The following ADORA2B variants were observed in gnomAD, a reference collection of about 807,000 sequenced individuals.
The protein encoded by ADORA2B is adenosine receptor A2b.
A neutral mutation model predicts 20.8 loss-of-function variants in ADORA2B; 18 were observed. The ratio of observed to expected loss-of-function variants is 0.87; its 90% CI spans 0.60 to 1.29. ADORA2B has a LOEUF of 1.29. Among genes scored for constraint, ADORA2B ranks in the 50% most tolerant of loss-of-function variants. The pLI is 0.00. For synonymous variants in ADORA2B, 179 were observed against 178.3 expected (o/e 1.00, Z -0.03); for missense variants, 441 against 422.7 (o/e 1.04, Z -0.38).
the ADORA2B span, among the ~76,000 whole-genome samples, chr17:15,903,404 A>G: frequency 6.6e-6 from 1 of 152,368 alleles, no homozygotes; most frequent in South Asian, 2.1e-4. Context: ...TTGTCTAGAT[A>G]CAGTGGGAAC....
chr17:15,934,460 G>C, the ADORA2B span, among the ~76,000 whole-genome samples: 1 of 151,960 alleles, frequency 6.6e-6, no homozygotes, highest in Non-Finnish European at 1.5e-5. Flanking sequence ...TCCTGACCTT[G>C]TGATCTGCCC....
At chr17:15,905,392 G>A in the ADORA2B span, among the ~76,000 whole-genome samples, 1 of 151,842 alleles carries the variant, frequency 6.6e-6, no homozygotes, top group Non-Finnish European at 1.5e-5. Flanking sequence ...TGTTTGTTTT[G>A]TTCTTTTGAA....
the ADORA2B span, among the ~76,000 whole-genome samples, chr17:15,931,080 G>C: frequency 6.6e-6 from 1 of 152,184 alleles, no homozygotes; most frequent in South Asian, 2.1e-4. Context: ...GTTTTGGGAG[G>C]CTGAGACAGG....
the ADORA2B span, among the ~76,000 whole-genome samples, chr17:15,869,871 C>G: frequency 6.6e-6 from 1 of 152,176 alleles, no homozygotes; most frequent in African/African-American, 2.4e-5. Flanking sequence ...TGTGTTATAA[C>G]TCAGAATTTT....
chr17:15,907,906 G>A, the ADORA2B span, among the ~76,000 whole-genome samples: 16 of 152,330 alleles, frequency 1.1e-4, no homozygotes, highest in East Asian at 2.1e-3. Context: ...CCTGGTCAGT[G>A]CACATCCACT....
the ADORA2B span, among the ~76,000 whole-genome samples, chr17:15,938,636 G>T: frequency 3.3e-5 from 5 of 152,132 alleles, no homozygotes; most frequent in Admixed American, 2.0e-4. Context: ...TTCCCAGTAG[G>T]AGCAATATTG....
the ADORA2B span, among the ~76,000 whole-genome samples, chr17:15,916,089 TG>T: frequency 2.0e-5 from 3 of 151,764 alleles, no homozygotes; most frequent in East Asian, 1.9e-4. Context: ...TCAGCTGGGG[TG>T]GGGGGGTCAC....
chr17:15,895,640 A>G, the ADORA2B span, among the ~76,000 whole-genome samples: 4 of 152,224 alleles, frequency 2.6e-5, no homozygotes, highest in Non-Finnish European at 5.9e-5. Flanking sequence ...AGTCCCTGAA[A>G]TACGGCTAGT....
chr17:15,905,043 C>T, the ADORA2B span, among the ~76,000 whole-genome samples: 1 of 152,010 alleles, frequency 6.6e-6, no homozygotes, highest in East Asian at 1.9e-4. Context: ...TAATTTTAGA[C>T]TCTGTCATTA....
chr17:15,967,107 G>A (rs1970130062), intron 1 of ADORA2B, among the ~76,000 whole-genome samples: 1 of 152,216 alleles, frequency 6.6e-6, no homozygotes, highest in Non-Finnish European at 1.5e-5. Context: ...AGAGGACAGA[G>A]GCCCAGCAGG....
the ADORA2B span, among the ~76,000 whole-genome samples, chr17:15,926,383 A>C: frequency 2.6e-5 from 4 of 151,922 alleles, no homozygotes; most frequent in African/African-American, 4.8e-5. Context: ...AGCCAGAGAG[A>C]GGGGTGCTAT....
In ADORA2B at chr17:15,975,385, G is replaced by T; in HGVS notation, c.*43G>T. The T allele has an allele frequency of 1.9e-6, 3 of 1,570,180 alleles. No homozygotes were observed. Among genetic ancestry groups the T allele is most frequent in the Admixed American group, 1.8e-5 (1 of 55,506 alleles). ...TCCAGGAGAAGATACAAATCCACAA[G>T]AAACAAAGAGGACACGGCTGGTTTT... On this transcript the variant is annotated 3_prime_UTR_variant, in exon 2 of 2. Coordinates refer to ENST00000304222, the MANE Select transcript of ADORA2B (RefSeq NM_000676.4).
the ADORA2B span, among the ~76,000 whole-genome samples, chr17:15,895,532 G>C: frequency 6.6e-6 from 1 of 152,110 alleles, no homozygotes; most frequent in Non-Finnish European, 1.5e-5. Flanking sequence ...TCTGGGGGTC[G>C]TCCATGATCC....
chr17:15,971,905 T>A (rs1166985364), intron 1 of ADORA2B, among the ~76,000 whole-genome samples: 1 of 152,138 alleles, frequency 6.6e-6, no homozygotes, highest in Non-Finnish European at 1.5e-5. Context: ...AGTACTGGGA[T>A]TATAGGCATG....
At chr17:15,926,922 G>A in the ADORA2B span, among the ~76,000 whole-genome samples, 31 of 152,138 alleles carry the variant, frequency 2.0e-4, no homozygotes, top group African/African-American at 7.5e-4. Context: ...AGTGAGCCAT[G>A]ATTGCATCTC....
the ADORA2B span, among the ~76,000 whole-genome samples, chr17:15,854,063 G>A: frequency 6.6e-6 from 1 of 152,174 alleles, no homozygotes; most frequent in African/African-American, 2.4e-5. Context: ...TCAAGTGATT[G>A]TCCTGCCTCA....
the ADORA2B span, among the ~76,000 whole-genome samples, chr17:15,920,059 A>G: frequency 3.9e-5 from 6 of 152,302 alleles, no homozygotes; most frequent in South Asian, 1.2e-3. Flanking sequence ...GCTGTGTACT[A>G]CAGTAATTTT....
rs146550240 is a variant in ADORA2B, at chr17:15,973,820, C to T, written c.336-859C>T. 7.4e-4 allele frequency: 113 copies of T among 152,248 alleles called. 2 individuals are homozygous for T. Among genetic ancestry groups the T allele is most frequent in the African/African-American group, 2.6e-3 (109 of 41,520 alleles). 9.4% of individuals were successfully genotyped at this position (152,248 alleles called of 1,614,324 possible). On this transcript the variant is annotated intron_variant, in intron 1 of 1. Coordinates refer to ENST00000304222, the MANE Select transcript of ADORA2B (RefSeq NM_000676.4). ...TAGGTAGGTAGGAAGTATAGGAAGTCGATCGGTTTTTGGAAACTGTGACTT... is the reference window on the plus strand; with the variant it reads ...TAGGTAGGTAGGAAGTATAGGAAGTTGATCGGTTTTTGGAAACTGTGACTT...
chr17:15,879,029 TGAA>T, the ADORA2B span, among the ~76,000 whole-genome samples: 1,939 of 152,352 alleles, frequency 0.013, 35 homozygotes, highest in African/African-American at 0.045. Context: ...CTCTTATTGA[TGAA>T]GAGACATTTG....
Sources: allele counts gnomAD v4.1 joint callset (sites outside exome capture counted in the v4.1 genomes callset), GRCh38; gene constraint gnomAD v4.1.1; transcripts MANE v1.5; gene names NCBI Gene and HGNC (gene_info 2026-07-23, HGNC 2026-07-21).